The following TMEM132D variants were observed in gnomAD, a reference collection of about 807,000 sequenced individuals.
The protein encoded by TMEM132D is transmembrane protein 132D.
A neutral mutation model predicts 62.3 loss-of-function variants in TMEM132D; 21 were observed. That is an observed-to-expected ratio of 0.34 (90% CI 0.24 to 0.49). TMEM132D has a LOEUF of 0.49. TMEM132D is among the 20% of genes least tolerant of loss of function. The pLI, the probability that TMEM132D is intolerant of heterozygous loss-of-function variation, is 0.99. For missense variants in TMEM132D, 1,346 were observed against 1,402.8 expected (o/e 0.96, Z 0.65); for synonymous variants, 621 against 575.6 (o/e 1.08, Z -1.13).
At chr12:129,490,924 C>A (rs1405295850) in intron 3 of TMEM132D, among the ~76,000 whole-genome samples, 1 of 152,058 alleles carries the variant, frequency 6.6e-6, no homozygotes, top group Non-Finnish European at 1.5e-5. Context: ...CATTTCCTGC[C>A]TACCCCCTAC....
At chr12:129,536,244 C>G (rs1325803461) in intron 2 of TMEM132D, among the ~76,000 whole-genome samples, 1 of 152,150 alleles carries the variant, frequency 6.6e-6, no homozygotes, top group Non-Finnish European at 1.5e-5. Context: ...ACAGTGTGCA[C>G]CCACCAAAGG....
chr12:129,388,683 C>T (rs1209401972), intron 3 of TMEM132D, among the ~76,000 whole-genome samples: 1 of 126,966 alleles, frequency 7.9e-6, no homozygotes, highest in African/African-American at 2.9e-5. Context: ...CCAATACTAA[C>T]ACCAACACCA....
chr12:129,681,394 G>A (rs964176973), intron 2 of TMEM132D: 2 of 152,194 alleles, frequency 1.3e-5, no homozygotes, highest in South Asian at 4.1e-4. Context: ...TGGTGGTATT[G>A]AGTTGCTGGA....
chr12:129,382,050 A>C (rs1195111884), intron 3 of TMEM132D, among the ~76,000 whole-genome samples: 1 of 152,212 alleles, frequency 6.6e-6, no homozygotes, highest in Admixed American at 6.5e-5. Flanking sequence ...TCCTTTAAAA[A>C]ACTGTTGCTG....
intron 4 of TMEM132D, among the ~76,000 whole-genome samples, chr12:129,300,399 G>A (rs1405914664): frequency 6.6e-6 from 1 of 152,212 alleles, no homozygotes; most frequent in Non-Finnish European, 1.5e-5. Flanking sequence ...ATGAAGAAAT[G>A]TGACGATGAA....
chr12:129,240,049 G>A (rs1008655183), intron 4 of TMEM132D, among the ~76,000 whole-genome samples: 7 of 152,158 alleles, frequency 4.6e-5, no homozygotes, highest in African/African-American at 1.7e-4. Context: ...AGTCTAAAGA[G>A]GTAGACTTCC....
intron 5 of TMEM132D, among the ~76,000 whole-genome samples, chr12:129,121,527 G>A (rs1439533242): frequency 6.6e-6 from 1 of 152,208 alleles, no homozygotes; most frequent in Non-Finnish European, 1.5e-5. Flanking sequence ...CAGAGTAGGA[G>A]TGAATAATTT....
At chr12:129,362,897 G>A (rs1321275172) in intron 3 of TMEM132D, among the ~76,000 whole-genome samples, 2 of 152,166 alleles carry the variant, frequency 1.3e-5, no homozygotes, top group African/African-American at 4.8e-5. Flanking sequence ...TGAAGTACCA[G>A]CTCTGCCTGC....
intron 4 of TMEM132D, among the ~76,000 whole-genome samples, chr12:129,239,299 GC>G (rs1207189521): frequency 1.9e-4 from 29 of 152,082 alleles, no homozygotes; most frequent in Non-Finnish European, 3.8e-4. Flanking sequence ...ATGTCACAAA[GC>G]TTTTTCGTTA....
At chr12:129,738,892 C>T (rs1044884890) in intron 1 of TMEM132D, among the ~76,000 whole-genome samples, 1 of 151,972 alleles carries the variant, frequency 6.6e-6, no homozygotes, top group Non-Finnish European at 1.5e-5. Flanking sequence ...TACATTATAC[C>T]CAGAAGTATA....
intron 2 of TMEM132D, chr12:129,681,405 T>G (rs1880776360): frequency 6.6e-6 from 1 of 152,222 alleles, no homozygotes; most frequent in Non-Finnish European, 1.5e-5. Context: ...AGTTGCTGGA[T>G]GGTCTGGTTT....
At chr12:129,901,848 C>T (rs995845072) in intron 1 of TMEM132D, among the ~76,000 whole-genome samples, 8 of 149,670 alleles carry the variant, frequency 5.3e-5, no homozygotes, top group East Asian at 3.9e-4. Flanking sequence ...ATTATAAAAC[C>T]AAGTGAGAAC....
chr12:129,227,579 TTTTA>T (rs1027779548), intron 4 of TMEM132D, among the ~76,000 whole-genome samples: 2 of 147,280 alleles, frequency 1.4e-5, no homozygotes, highest in Non-Finnish European at 3.0e-5. Flanking sequence ...CTGATTTTAT[TTTTA>T]TTTATTTTTT....
At chr12:129,407,311 A>G (rs930759028) in intron 3 of TMEM132D, among the ~76,000 whole-genome samples, 1 of 152,166 alleles carries the variant, frequency 6.6e-6, no homozygotes, top group Non-Finnish European at 1.5e-5. Context: ...AAAATACAAC[A>G]CAACACTTGT....
At chr12:129,446,709 TA>T (rs1256283896) in intron 3 of TMEM132D, among the ~76,000 whole-genome samples, 1 of 152,126 alleles carries the variant, frequency 6.6e-6, no homozygotes, top group African/African-American at 2.4e-5. Flanking sequence ...TAAAACTGAT[TA>T]AAAGAGGGAA....
chr12:129,822,457 G>T (rs74556907), intron 1 of TMEM132D, among the ~76,000 whole-genome samples: 2 of 152,168 alleles, frequency 1.3e-5, no homozygotes, highest in African/African-American at 2.4e-5. Flanking sequence ...AGTCACACAG[G>T]ACGCACTTAA....
intron 2 of TMEM132D, among the ~76,000 whole-genome samples, chr12:129,611,936 C>T (rs1878785466): frequency 6.6e-6 from 1 of 152,164 alleles, no homozygotes; most frequent in African/African-American, 2.4e-5. Flanking sequence ...AGAAACATCC[C>T]CAAGTCTCAT....
intron 1 of TMEM132D, among the ~76,000 whole-genome samples, chr12:129,883,287 C>T (rs1874659900): frequency 6.6e-6 from 1 of 152,038 alleles, no homozygotes; most frequent in African/African-American, 2.4e-5. Context: ...CCCAAAGCAC[C>T]CAAAAATCTG....
At chr12:129,804,334 T>C (rs1242151896) in intron 1 of TMEM132D, among the ~76,000 whole-genome samples, 1 of 101,182 alleles carries the variant, frequency 9.9e-6, no homozygotes, top group Non-Finnish European at 2.0e-5. Flanking sequence ...TCAAAAAGCT[T>C]ATCCACCATG....
Sources: allele counts gnomAD v4.1 joint callset (sites outside exome capture counted in the v4.1 genomes callset), GRCh38; gene constraint gnomAD v4.1.1; transcripts MANE v1.5; gene names NCBI Gene and HGNC (gene_info 2026-07-23, HGNC 2026-07-21).